The following STBD1 variants were observed in gnomAD, a reference collection of about 807,000 sequenced individuals.
STBD1 encodes the protein starch binding domain 1, also known as starch-binding domain-containing protein 1.
A neutral mutation model predicts 10.5 loss-of-function variants in STBD1; 13 were observed. The ratio of observed to expected loss-of-function variants is 1.24; its 90% confidence interval spans 0.81 to 1.97. The LOEUF (loss-of-function observed/expected upper bound fraction) is 1.97. Among genes scored for constraint, STBD1 ranks in the 30% most tolerant of loss-of-function variants. The pLI is 0.00. For synonymous variants in STBD1, 146 were observed against 160.2 expected, an observed-to-expected ratio of 0.91 and a Z score of 0.67; for missense variants, 427 against 435.6, an observed-to-expected ratio of 0.98 and a Z score of 0.17.
chr4:76,309,128 T>C lies in STBD1; in HGVS notation c.221-16T>C, dbSNP rs1387350672. 2 of 1,550,812 alleles carry C rather than the reference T, an allele frequency of 1.3e-6. No individual in the cohort carries two copies. The highest frequency in any genetic ancestry group is 1.7e-6 in the Non-Finnish European group (2 of 1,154,562). On this transcript the variant is annotated splice_polypyrimidine_tract_variant and intron_variant, in intron 1 of 1. Transcript: ENST00000237642. ...GAACTACCTGACTCTATTACATTTT[T>C]CCTTTGATTTCTTAGAGCATCTTCA...
rs1409433181 is a variant in STBD1, at chr4:76,309,746, A to C, written c.823A>C (p.Ser275Arg). ...SVRFQVHYVT[S>R]TDVQFIAVTG... ...CAGGTTCCAGGTCCATTATGTCACAAGCACTGATGTGCAATTCATTGCAGT... is the reference window on the plus strand; with the variant it reads ...CAGGTTCCAGGTCCATTATGTCACACGCACTGATGTGCAATTCATTGCAGT... The change falls in exon 2 of 2, where the codon AGC (serine) becomes CGC (arginine). Residue 275 changes from serine (S) to arginine (R), a missense_variant. By Grantham distance (110) the Ser-to-Arg change is moderately radical. Coordinates refer to ENST00000237642, the MANE Select transcript of STBD1 (RefSeq NM_003943.5). 8.1e-6 allele frequency: 13 copies of C among 1,614,132 alleles called. No individual in the cohort carries two copies. The highest frequency in any genetic ancestry group is 1.0e-5 in the Non-Finnish European group (12 of 1,180,060).
intron 1 of STBD1, among the ~76,000 whole-genome samples, chr4:76,308,292 G>C (rs1363251476): frequency 6.8e-6 from 1 of 147,414 alleles, no homozygotes; most frequent in Non-Finnish European, 1.5e-5. Flanking sequence ...AAAAAAAAAG[G>C]GATAAAATGA....
rs1718888011 is a variant in STBD1, at chr4:76,309,680, AG to A, written c.760del (p.Val254Ter). ...TCAGCAAGTGCATGGGAAAATGGAA[AG>A]GGTAGCAGTGATGCCTGCAGGGTCT... ...RGQQVHGKME[R>X]VAVMPAGSQQ... On this transcript the variant is annotated frameshift_variant, in exon 2 of 2. Coordinates refer to ENST00000237642, the MANE Select transcript of STBD1 (RefSeq NM_003943.5). LOFTEE classifies it low-confidence loss of function (END_TRUNC). 1.2e-6 allele frequency: 2 copies of A among 1,614,104 alleles called. No homozygotes were observed. Among genetic ancestry groups the A allele is most frequent in the Non-Finnish European group, 1.7e-6 (2 of 1,180,046 alleles).
Position 76,309,224 on chromosome 4 carries a change from C to A in STBD1, c.301C>A (p.Gln101Lys). The change falls in exon 2 of 2, where the codon CAG becomes AAG. Residue 101 changes from glutamine to lysine, a missense_variant. Gln to Lys is a moderately conservative substitution (Grantham distance 53). Coordinates refer to ENST00000237642, the MANE Select transcript of STBD1 (RefSeq NM_003943.5). Reference protein sequence around the residue: ...GKLQAASWRLQNPSREVCDNS... With the variant: ...GKLQAASWRLKNPSREVCDNS... ...ACTGCAAGCAGCATCATGGAGATTG[C>A]AGAATCCTTCCAGGGAAGTCTGTGA... 6.2e-7 allele frequency: 1 copy of A among 1,613,956 alleles called. No homozygotes were observed. Among genetic ancestry groups the A allele is most frequent in the Non-Finnish European group, 8.5e-7 (1 of 1,179,990 alleles).
At position 76,306,885 on chromosome 4, in the gene STBD1, A is replaced by G. The variant is rs1160892267; in HGVS notation, c.116A>G (p.Glu39Gly). ...GGGAAGGACGGGGATGCGGAGCAGG[A>G]GAAAGACGCCCCTCTTGGGGGAGCT... is the stretch of plus-strand genomic sequence containing the variant. ...DTGKDGDAEQ[E>G]KDAPLGGAAI... Residue 39 changes from glutamate (E) to glycine (G), a missense_variant, in exon 1 of 2, where the codon GAG (glutamate) becomes GGG (glycine). Glu to Gly is a moderately conservative substitution (Grantham distance 98, BLOSUM62 -2). Transcript: ENST00000237642. 1 of 1,612,212 alleles carries G rather than the reference A, an allele frequency of 6.2e-7. No individual in the cohort carries two copies. The highest frequency in any genetic ancestry group is 8.5e-7 in the Non-Finnish European group (1 of 1,179,392).
In STBD1 at chr4:76,309,412, T is replaced by C. The variant is rs1472625852; in HGVS notation, c.489T>C (p.Ala163=). The C allele has an allele frequency of 1.2e-6, 2 of 1,614,182 alleles. No homozygotes were observed. The highest frequency in any genetic ancestry group is 1.7e-5 in the Admixed American group (1 of 60,024). ...TCCAAAAAGGACAAGAGATATCTGC[T>C]AAAGCAGCTACATGTTTTGCAGAGA... The part of the protein sequence containing the change: ...WGFQKGQEIS[A]KAATCFAEKL... The change falls in exon 2 of 2, where the codon GCT becomes GCC. Residue 163 remains alanine (A), a synonymous_variant. Transcript: ENST00000237642.
rs1196535106 is a variant in STBD1, at chr4:76,309,188, G to A, written c.265G>A (p.Asp89Asn). Residue 89 changes from aspartate to asparagine, a missense_variant, in exon 2 of 2, where the codon GAC (aspartate) becomes AAC (asparagine). Transcript: ENST00000237642. Reference sequence around the variant, plus strand: ...TGGACATTTGATTTCTAAGACCAAAGACCTTGGTAAACTGCAAGCAGCATC... The same window carrying A: ...TGGACATTTGATTTCTAAGACCAAAAACCTTGGTAAACTGCAAGCAGCATC... ...SNGHLISKTK[D>N]LGKLQAASWR... is the part of the protein sequence containing the mutation. The A allele has an allele frequency of 6.2e-7, 1 of 1,605,668 alleles. No individual in the cohort carries two copies. Among genetic ancestry groups the A allele is most frequent in the Non-Finnish European group, 8.5e-7 (1 of 1,177,986 alleles).
Position 76,309,666 on chromosome 4 carries a change from A to AT in STBD1, c.744dup (p.Gly249TrpfsTer17), listed in dbSNP as rs777425389. ...GTGGAAGCAAGAGGTCAGCAAGTGC[A>AT]TGGGAAAATGGAAAGGGTAGCAGTG... On this transcript the variant is annotated frameshift_variant, in exon 2 of 2. Transcript: ENST00000237642. LOFTEE classifies it low-confidence loss of function (END_TRUNC). 25 of 1,614,144 alleles carry AT rather than the reference A, an allele frequency of 1.5e-5. No individual in the cohort carries two copies. The Admixed American group carries it at 4.2e-4, about 27-fold the overall frequency.
In STBD1 at chr4:76,310,209, C is replaced by G. The variant is rs1718905519; in HGVS notation, c.*209C>G. The G allele has an allele frequency of 1.7e-6, 1 of 585,670 alleles. No homozygotes were observed. Among genetic ancestry groups the G allele is most frequent in the African/African-American group, 1.9e-5 (1 of 53,822 alleles). The allele number at this position is 585,670 out of a possible 1,614,324, so 36.3% of individuals were successfully genotyped here. ...GTGTATGTGTGTATATATATGCACA[C>G]ACACACAGATAATGCTTCCAGTGAA... On this transcript the variant is annotated 3_prime_UTR_variant, in exon 2 of 2. Transcript: ENST00000237642.
Position 76,306,882 on chromosome 4 carries a change from A to G in STBD1, c.113A>G (p.Gln38Arg). The G allele has an allele frequency of 6.2e-7, 1 of 1,611,962 alleles. No individual in the cohort carries two copies. The highest frequency in any genetic ancestry group is 1.1e-5 in the South Asian group (1 of 90,826). Residue 38 changes from glutamine (Q) to arginine (R), a missense_variant, in exon 1 of 2, where the codon CAG (glutamine) becomes CGG (arginine). Transcript: ENST00000237642. The stretch of plus-strand genomic sequence containing the variant: ...ACCGGGAAGGACGGGGATGCGGAGC[A>G]GGAGAAAGACGCCCCTCTTGGGGGA... The part of the protein sequence containing the change: ...GDTGKDGDAE[Q>R]EKDAPLGGAA...
intron 1 of STBD1, among the ~76,000 whole-genome samples, chr4:76,308,553 G>A (rs547064604): frequency 6.6e-6 from 1 of 152,288 alleles, no homozygotes; most frequent in African/African-American, 2.4e-5. Flanking sequence ...AACGCATATG[G>A]GATTGGCAAG....
In STBD1 at chr4:76,306,846, G is replaced by T. The variant is rs372051485; in HGVS notation, c.77G>T (p.Gly26Val). 134 of 1,611,394 alleles carry T rather than the reference G, an allele frequency of 8.3e-5. 1 individual carries two copies. Among genetic ancestry groups the T allele is most frequent in the Middle Eastern group, 8.3e-4 (5 of 6,032 alleles). ...CTTTTCGTTTGGCTGCTGCGGGGCGGCCCTGGCGACACCGGGAAGGACGGG... is the reference window on the plus strand; with the variant it reads ...CTTTTCGTTTGGCTGCTGCGGGGCGTCCCTGGCGACACCGGGAAGGACGGG... ...GALFVWLLRG[G>V]PGDTGKDGDA... The change falls in exon 1 of 2, where the codon GGC becomes GTC. Residue 26 changes from glycine (G) to valine (V), a missense_variant. Transcript: ENST00000237642.
chr4:76,308,762 A>G (rs985461207), intron 1 of STBD1, among the ~76,000 whole-genome samples: 3 of 152,332 alleles, frequency 2.0e-5, no homozygotes, highest in South Asian at 2.1e-4. Flanking sequence ...CCTTTGCCCC[A>G]CAGCCTGGAC....
In STBD1 at chr4:76,309,125, T is replaced by A. The variant is rs993940004; in HGVS notation, c.221-19T>A. 1 of 1,549,020 alleles carries A rather than the reference T, an allele frequency of 6.5e-7. No individual in the cohort carries two copies. Among genetic ancestry groups the A allele is most frequent in the Non-Finnish European group, 8.7e-7 (1 of 1,153,660 alleles). On this transcript the variant is annotated intron_variant, in intron 1 of 1. Coordinates refer to ENST00000237642, the MANE Select transcript of STBD1 (RefSeq NM_003943.5). The stretch of plus-strand genomic sequence containing the variant: ...AATGAACTACCTGACTCTATTACAT[T>A]TTTCCTTTGATTTCTTAGAGCATCT...
rs115600175 is a variant in STBD1 at position 76,309,487 on chromosome 4, C to G, written c.564C>G (p.Ser188Arg). ...LLKNRAKEEMSLSDLNSQDRV... is the reference protein window; with the variant it reads ...LLKNRAKEEMRLSDLNSQDRV... ...AGAACAGAGCTAAAGAAGAAATGAGCCTCTCTGATTTGAACAGTCAGGACC... is the reference window on the plus strand; with the variant it reads ...AGAACAGAGCTAAAGAAGAAATGAGGCTCTCTGATTTGAACAGTCAGGACC... Residue 188 changes from serine (S) to arginine (R), a missense_variant, in exon 2 of 2, where the codon AGC becomes AGG. Physicochemically the swap from Ser to Arg is moderately radical, Grantham distance 110. Transcript: ENST00000237642. 75 of 1,614,212 alleles carry G rather than the reference C, an allele frequency of 4.6e-5. No individual in the cohort carries two copies. In the East Asian group the frequency reaches 1.5e-3, roughly 33 times the overall value.
chr4:76,310,068 GAATAA>G lies in STBD1; in HGVS notation c.*75_*79del, dbSNP rs1449917283. On this transcript the variant is annotated 3_prime_UTR_variant, in exon 2 of 2. Transcript: ENST00000237642. The stretch of plus-strand genomic sequence containing the variant: ...AGAGGCTGAGGTTGTGGAACACACT[GAATAA>G]AATAAAGGCAGTGTGACTCCAAATT... 1 of 1,522,356 alleles carries G rather than the reference GAATAA, an allele frequency of 6.6e-7. No individual in the cohort carries two copies. The highest frequency in any genetic ancestry group is 1.4e-5 in the African/African-American group (1 of 72,546). The allele number at this position is 1,522,356 out of a possible 1,614,324, so 94.3% of individuals were successfully genotyped here.
chr4:76,308,598 C>T (rs1338565232), intron 1 of STBD1, among the ~76,000 whole-genome samples: 1 of 152,240 alleles, frequency 6.6e-6, no homozygotes, highest in Non-Finnish European at 1.5e-5. Flanking sequence ...TCTCCCTCCA[C>T]TCCTGCCCAG....
At position 76,310,880 on chromosome 4, in the gene STBD1, GCATCTGTAGGAC is replaced by G. The variant is rs1718922730; in HGVS notation, c.*886_*897del. 2 of 152,250 alleles carry G rather than the reference GCATCTGTAGGAC, an allele frequency of 1.3e-5. No homozygotes were observed. Among genetic ancestry groups the G allele is most frequent in the Admixed American group, 1.3e-4 (2 of 15,274 alleles). 9.4% of individuals were successfully genotyped at this position (152,250 alleles called of 1,614,324 possible). A position where few individuals can be genotyped will look rare whatever the true frequency, so the allele number is the denominator to read the frequency against. ...ATGCACCCATCATTTACCCATGGGA[GCATCTGTAGGAC>G]CATCTCTCTCCCACTTCTTCTCCCC... is the stretch of plus-strand genomic sequence containing the variant. On this transcript the variant is annotated 3_prime_UTR_variant, in exon 2 of 2. Transcript: ENST00000237642.
intron 1 of STBD1, among the ~76,000 whole-genome samples, chr4:76,307,669 A>AG (rs3839121): frequency 0.32 from 49,164 of 151,994 alleles, 9,507 homozygotes; most frequent in Non-Finnish European, 0.44. Context: ...CTACTTAAAT[A>AG]GGGGACCCAA....
Sources: gnomAD v4.1 joint callset for allele counts (sites outside exome capture counted in the v4.1 genomes callset) on GRCh38, gnomAD v4.1.1 for gene constraint, MANE v1.5 for transcripts, NCBI Gene and HGNC (gene_info 2026-07-23, HGNC 2026-07-21) for gene names.